Variants in CUX2 observed in about 807,000 individuals in gnomAD.
CUX2 encodes cut like homeobox 2, also known as homeobox protein cut-like 2.
A neutral mutation model predicts 144.8 loss-of-function variants in CUX2; 40 were observed. The ratio of observed to expected loss-of-function variants is 0.28; its 90% CI spans 0.21 to 0.36. CUX2 has a LOEUF of 0.36. Among genes scored for constraint, CUX2 ranks in the 10% least tolerant of loss-of-function variants. The pLI, the probability that CUX2 is intolerant of heterozygous loss-of-function variation, is 1.00. For synonymous variants in CUX2, 827 were observed against 875.6 expected (o/e 0.94, Z 0.98); for missense variants, 1,615 against 1,994.0 (o/e 0.81, Z 3.62).
chr12:111,046,169 G>A (rs965723075), intron 1 of CUX2, among the ~76,000 whole-genome samples: 46 of 152,326 alleles, frequency 3.0e-4, no homozygotes, highest in African/African-American at 1.0e-3. Flanking sequence ...AGCCAGGTGC[G>A]CTGGCTCTTT....
intron 3 of CUX2, among the ~76,000 whole-genome samples, chr12:111,219,868 C>T (rs931628227): frequency 7.2e-5 from 11 of 152,024 alleles, no homozygotes; most frequent in African/African-American, 1.2e-4. Flanking sequence ...ATTTGAGGCC[C>T]GGCAGTGGCT....
rs576146063 is a variant in CUX2, at chr12:111,074,459, C to T, written c.63+40219C>T. Among the ~76,000 whole-genome samples the T allele has an allele frequency of 1.7e-3, 255 of 152,146 alleles. 5 individuals carry two copies. Among genetic ancestry groups the T allele is most frequent in the African/African-American group, 5.8e-3 (242 of 41,396 alleles). On this transcript the variant is annotated intron_variant, in intron 1 of 21. Transcript: ENST00000261726. ...GGCAGGGAAACATTCTAGCTGTTCC[C>T]TGCCTGATCAGCTGGGTCAGCTCTC... is the stretch of plus-strand genomic sequence containing the variant.
intron 18 of CUX2, among the ~76,000 whole-genome samples, chr12:111,329,604 C>G (rs1248352779): frequency 2.0e-5 from 3 of 152,030 alleles, no homozygotes; most frequent in Non-Finnish European, 2.9e-5. Context: ...GAGGGAGATG[C>G]CTTCAAAGAC....
intron 1 of CUX2, among the ~76,000 whole-genome samples, chr12:111,137,499 CTTTA>C (rs1176686153): frequency 2.6e-5 from 4 of 151,910 alleles, no homozygotes; most frequent in Admixed American, 1.3e-4. Context: ...TTTTTATAAA[CTTTA>C]TTTATTTACT....
chr12:111,310,532 T>A lies in CUX2; in HGVS notation c.1750T>A (p.Ser584Thr). The change falls in exon 15 of 22, where the codon TCG (serine) becomes ACG (threonine). Residue 584 changes from serine (S) to threonine (T), a missense_variant. By Grantham distance (58) the Ser-to-Thr change is moderately conservative. Transcript: ENST00000261726. The surrounding 1 kb of genome is among the most constrained non-coding windows in gnomAD (Gnocchi z 7.9). ...GTTTGGGCATTACGTGCTGGGGCTG[T>A]CGCAGGGCTCGGTCAGCGAGATCCT... is the stretch of plus-strand genomic sequence containing the variant. ...RVFGHYVLGL[S>T]QGSVSEILAR... 1 of 1,614,022 alleles carries A rather than the reference T, an allele frequency of 6.2e-7. No individual in the cohort carries two copies.
intron 4 of CUX2, among the ~76,000 whole-genome samples, chr12:111,290,616 C>T (rs923500502): frequency 4.6e-5 from 7 of 152,088 alleles, no homozygotes; most frequent in Middle Eastern, 3.4e-3. Flanking sequence ...TTAGTAGCAA[C>T]GGGGTTTCAC....
intron 4 of CUX2, among the ~76,000 whole-genome samples, chr12:111,279,747 G>T (rs1050140282): frequency 6.6e-6 from 1 of 152,242 alleles, no homozygotes; most frequent in Non-Finnish European, 1.5e-5. Flanking sequence ...ACTTTGGAAG[G>T]CCAAGGCCAG....
At chr12:111,100,791 G>T (rs1873180206) in intron 1 of CUX2, among the ~76,000 whole-genome samples, 1 of 152,190 alleles carries the variant, frequency 6.6e-6, no homozygotes, top group South Asian at 2.1e-4. Flanking sequence ...ACCTGTGTGA[G>T]TATGTATGTG....
chr12:111,168,962 C>A (rs975892219), intron 1 of CUX2, among the ~76,000 whole-genome samples: 1 of 151,906 alleles, frequency 6.6e-6, no homozygotes, highest in African/African-American at 2.4e-5. Context: ...CCCCTCCCCC[C>A]ACTGTCATCA....
chr12:111,298,865 G>A lies in CUX2; in HGVS notation c.753+276G>A, dbSNP rs563345965. 2.6e-5 allele frequency among the ~76,000 whole-genome samples: 4 copies of A among 152,274 alleles called. No homozygotes were observed. In the South Asian group the frequency reaches 8.3e-4, roughly 32 times the overall value. The stretch of plus-strand genomic sequence containing the variant: ...TCCAAGCAGCAACAGGCAGGAAGGG[G>A]CCGCTGACCCAGACTGCGGGAGTCC... On this transcript the variant is annotated intron_variant, in intron 9 of 21. Transcript: ENST00000261726.
chr12:111,143,669 T>C (rs1286257129), intron 1 of CUX2, among the ~76,000 whole-genome samples: 1 of 152,246 alleles, frequency 6.6e-6, no homozygotes, highest in Non-Finnish European at 1.5e-5. Flanking sequence ...AATGCCGACT[T>C]TCCAAGTTGG....
intron 1 of CUX2, among the ~76,000 whole-genome samples, chr12:111,173,608 G>A (rs534145681): frequency 2.0e-5 from 3 of 152,308 alleles, no homozygotes; most frequent in African/African-American, 7.2e-5. Context: ...AGGTGAGGAG[G>A]CAGCAGCAGG....
chr12:111,143,530 AC>A lies in CUX2; in HGVS notation c.64-70668del, dbSNP rs1876468899. On this transcript the variant is annotated intron_variant, in intron 1 of 21. Transcript: ENST00000261726. The stretch of plus-strand genomic sequence containing the variant: ...CAAGGTTGATGGATTACATTGATGT[AC>A]CATTTGTCATACTGTAATTGTTCTG... Among the ~76,000 whole-genome samples, 5 of 152,332 alleles carry A rather than the reference AC, an allele frequency of 3.3e-5. No individual in the cohort carries two copies. The South Asian group carries it at 1.0e-3, about 32-fold the overall frequency.
chr12:111,192,105 G>A (rs1331220073), intron 1 of CUX2, among the ~76,000 whole-genome samples: 1 of 152,080 alleles, frequency 6.6e-6, no homozygotes, highest in African/African-American at 2.4e-5. Flanking sequence ...AGGTGGCTGA[G>A]GGGATTATTA....
At chr12:111,192,999 T>A (rs530097163) in intron 1 of CUX2, among the ~76,000 whole-genome samples, 1 of 152,238 alleles carries the variant, frequency 6.6e-6, no homozygotes, top group Non-Finnish European at 1.5e-5. Context: ...CCATCATTTT[T>A]AAGCACCTAA....
chr12:111,038,730 A>G (rs1042326264), intron 1 of CUX2, among the ~76,000 whole-genome samples: 1 of 152,250 alleles, frequency 6.6e-6, no homozygotes, highest in Non-Finnish European at 1.5e-5. Flanking sequence ...ATGCTAGAAG[A>G]AAAAACAAGC....
chr12:111,332,175 C>G (rs1888147954), intron 18 of CUX2, among the ~76,000 whole-genome samples: 1 of 146,762 alleles, frequency 6.8e-6, no homozygotes, highest in Non-Finnish European at 1.5e-5. Flanking sequence ...CTCTATTGCC[C>G]AGGCTGGAGT....
intron 4 of CUX2, among the ~76,000 whole-genome samples, chr12:111,268,675 T>A (rs1884500454): frequency 6.6e-6 from 1 of 152,246 alleles, no homozygotes; most frequent in Non-Finnish European, 1.5e-5. Flanking sequence ...GGGGTCATTA[T>A]CACCCTCACT....
intron 3 of CUX2, among the ~76,000 whole-genome samples, chr12:111,237,606 T>G (rs1882824311): frequency 6.6e-6 from 1 of 152,180 alleles, no homozygotes; most frequent in African/African-American, 2.4e-5. Flanking sequence ...GTGAGCTGTT[T>G]AGAAACAGGT....
Sources: allele counts gnomAD v4.1 joint callset (sites outside exome capture counted in the v4.1 genomes callset), GRCh38; gene constraint gnomAD v4.1.1; non-coding constraint Gnocchi (gnomAD v3.1); transcripts MANE v1.5; gene names NCBI Gene and HGNC (gene_info 2026-07-23, HGNC 2026-07-21).